The following INPP4B variants were observed in gnomAD, a reference collection of about 807,000 sequenced individuals.
INPP4B encodes the protein inositol polyphosphate 4-phosphatase type II.
In INPP4B, 55 loss-of-function variants were observed where a neutral mutation model predicts 122.5. The observed-to-expected ratio is 0.45, with a 90% CI of 0.36 to 0.56. The LOEUF is 0.56. Ranked by LOEUF, INPP4B falls within the 20% of genes least tolerant of loss-of-function variation. INPP4B has a pLI of 0.00. For missense variants in INPP4B, 1,000 were observed against 1,097.7 expected, an observed-to-expected ratio of 0.91 and a Z score of 1.26; for synonymous variants, 403 against 388.7, an observed-to-expected ratio of 1.04 and a Z score of -0.43.
intron 18 of INPP4B, among the ~76,000 whole-genome samples, chr4:142,131,118 C>T (rs530396166): frequency 6.6e-6 from 1 of 152,320 alleles, no homozygotes; most frequent in South Asian, 2.1e-4. Context: ...CCCACATTCA[C>T]TGGGCTTATT....
intron 2 of INPP4B, among the ~76,000 whole-genome samples, chr4:142,652,179 G>T (rs1753113498): frequency 6.6e-6 from 1 of 152,150 alleles, no homozygotes; most frequent in African/African-American, 2.4e-5. Context: ...AGCCCTTCAT[G>T]CTAAAAACTC....
At chr4:142,543,718 G>A (rs1829207137) in intron 2 of INPP4B, among the ~76,000 whole-genome samples, 1 of 151,964 alleles carries the variant, frequency 6.6e-6, no homozygotes, top group African/African-American at 2.4e-5. Flanking sequence ...TGTGGCCCTG[G>A]TAATTTTTAA....
At chr4:142,601,856 C>G (rs1740019504) in intron 2 of INPP4B, among the ~76,000 whole-genome samples, 1 of 150,046 alleles carries the variant, frequency 6.7e-6, no homozygotes, top group Admixed American at 6.7e-5. Flanking sequence ...ATAGTCCTAG[C>G]TACTTGGGAG....
intron 9 of INPP4B, among the ~76,000 whole-genome samples, chr4:142,286,167 G>C (rs541402188): frequency 7.9e-5 from 12 of 152,162 alleles, no homozygotes; most frequent in Non-Finnish European, 1.3e-4. Flanking sequence ...ATAGATTCTA[G>C]AGATCAGTGG....
Position 142,788,624 on chromosome 4 carries a change from G to A in INPP4B, c.-254+57585C>T. Among the ~76,000 whole-genome samples the A allele has an allele frequency of 1.3e-5, 2 of 151,988 alleles. 1 individual carries two copies. Among genetic ancestry groups the A allele is most frequent in the East Asian group, 3.9e-4 (2 of 5,176 alleles). ...GTCTTTTATCCCCCACCCCTGCCTG[G>A]CCTTCCCCACTGAGTCCCCAAAGTT... On this transcript the variant is annotated intron_variant, in intron 1 of 25. Transcript: ENST00000262992.
chr4:142,783,912 T>C (rs1000301791), intron 1 of INPP4B, among the ~76,000 whole-genome samples: 10 of 152,046 alleles, frequency 6.6e-5, no homozygotes, highest in African/African-American at 2.4e-4. Context: ...CATTGGACTA[T>C]AAAGAATGAG....
At chr4:142,095,111 A>T (rs1051921357) in intron 23 of INPP4B, among the ~76,000 whole-genome samples, 1 of 152,204 alleles carries the variant, frequency 6.6e-6, no homozygotes, top group Non-Finnish European at 1.5e-5. Flanking sequence ...GACCCACTTG[A>T]TAAAGATAAT....
chr4:142,590,184 T>C (rs562106200), intron 2 of INPP4B, among the ~76,000 whole-genome samples: 1 of 152,260 alleles, frequency 6.6e-6, no homozygotes, highest in East Asian at 1.9e-4. Flanking sequence ...TGGGGTACTA[T>C]AATGGTGAAT....
At chr4:142,766,302 G>A (rs937817687) in intron 1 of INPP4B, among the ~76,000 whole-genome samples, 9 of 152,100 alleles carry the variant, frequency 5.9e-5, no homozygotes, top group Middle Eastern at 3.4e-3. Flanking sequence ...TCTCACTAAT[G>A]TCTATTTTAA....
intron 8 of INPP4B, among the ~76,000 whole-genome samples, chr4:142,314,374 T>C (rs550746484): frequency 1.3e-5 from 2 of 152,264 alleles, no homozygotes; most frequent in East Asian, 1.9e-4. Flanking sequence ...TCCTCCTTCC[T>C]GAAGCGGTAG....
chr4:142,532,685 C>A (rs1211647834), intron 2 of INPP4B, among the ~76,000 whole-genome samples: 1 of 151,904 alleles, frequency 6.6e-6, no homozygotes. Flanking sequence ...TATTCAAAAA[C>A]AGAATAAGTA....
intron 7 of INPP4B, among the ~76,000 whole-genome samples, chr4:142,319,692 T>C (rs918911017): frequency 1.3e-5 from 2 of 152,188 alleles, no homozygotes; most frequent in African/African-American, 4.8e-5. Context: ...CTTCTTCCAA[T>C]GGCCATACAT....
chr4:142,419,361 G>A (rs899851982), intron 5 of INPP4B, among the ~76,000 whole-genome samples: 8 of 152,102 alleles, frequency 5.3e-5, no homozygotes, highest in African/African-American at 1.9e-4. Context: ...TGCTTAGAGG[G>A]AAAAGTAATT....
intron 11 of INPP4B, among the ~76,000 whole-genome samples, chr4:142,257,295 C>G (rs1272222058): frequency 4.6e-5 from 7 of 152,308 alleles, no homozygotes; most frequent in Non-Finnish European, 1.0e-4. Context: ...AAAACTGGCA[C>G]TAGACGGGAT....
intron 21 of INPP4B, among the ~76,000 whole-genome samples, chr4:142,118,325 C>T (rs10030954): frequency 0.14 from 20,380 of 150,626 alleles, 1,735 homozygotes; most frequent in East Asian, 0.23. Flanking sequence ...AAAAAGAGCA[C>T]GCATTGCCAA....
At chr4:142,360,721 G>A (rs1244084658) in intron 7 of INPP4B, among the ~76,000 whole-genome samples, 4 of 151,892 alleles carry the variant, frequency 2.6e-5, no homozygotes, top group South Asian at 4.1e-4. Context: ...TAATAGTCAA[G>A]ATGATGGTTA....
chr4:142,387,967 A>G (rs556288124), intron 7 of INPP4B, among the ~76,000 whole-genome samples: 13 of 152,312 alleles, frequency 8.5e-5, no homozygotes, highest in African/African-American at 2.2e-4. Flanking sequence ...CCCAGGTTCA[A>G]TCCTGGCTTA....
chr4:142,142,307 T>C (rs1031116200), intron 18 of INPP4B, among the ~76,000 whole-genome samples: 2 of 152,102 alleles, frequency 1.3e-5, no homozygotes, highest in Admixed American at 1.3e-4. Context: ...TACAATATGA[T>C]ATTTTCACCC....
intron 12 of INPP4B, among the ~76,000 whole-genome samples, chr4:142,219,525 T>A (rs890655346): frequency 3.3e-5 from 5 of 152,218 alleles, no homozygotes; most frequent in African/African-American, 1.2e-4. Context: ...TCTAAAGCAG[T>A]GGTAGTTGCA....
Sources: allele counts gnomAD v4.1 joint callset (sites outside exome capture counted in the v4.1 genomes callset), GRCh38; gene constraint gnomAD v4.1.1; transcripts MANE v1.5; gene names NCBI Gene and HGNC (gene_info 2026-07-23, HGNC 2026-07-21).